The following WDR7 variants were observed in gnomAD, a reference collection of about 807,000 sequenced individuals.
WDR7 encodes WD repeat domain 7.
In WDR7, 46 loss-of-function variants were observed where a neutral mutation model predicts 169.4. That is an observed-to-expected ratio of 0.27 (90% CI 0.21 to 0.35). The LOEUF (loss-of-function observed/expected upper bound fraction) is 0.35, where lower values mean the gene tolerates loss of function less well. Ranked by LOEUF, WDR7 falls within the 10% of genes least tolerant of loss-of-function variation. The pLI, the probability that WDR7 is intolerant of heterozygous loss-of-function variation, is 1.00. For synonymous variants in WDR7, 612 were observed against 666.8 expected (o/e 0.92, Z 1.27); for missense variants, 1,534 against 1,859.3 (o/e 0.83, Z 3.22).
At chr18:56,748,821 A>T (rs969309043) in intron 14 of WDR7, among the ~76,000 whole-genome samples, 1 of 152,110 alleles carries the variant, frequency 6.6e-6, no homozygotes, top group African/African-American at 2.4e-5. Context: ...CACTTGTATT[A>T]TCCTAACTCT....
At chr18:56,868,003 A>T (rs958948421) in intron 20 of WDR7, among the ~76,000 whole-genome samples, 4 of 152,142 alleles carry the variant, frequency 2.6e-5, no homozygotes, top group African/African-American at 7.2e-5. Context: ...ATATAGAAAA[A>T]GGTCTATGAA....
rs1026060111 is a variant in WDR7 at position 57,028,407 on chromosome 18, C to G, written c.*1200C>G. The G allele has an allele frequency of 5.3e-5, 8 of 151,674 alleles. No homozygotes were observed. Among genetic ancestry groups the G allele is most frequent in the Non-Finnish European group, 1.0e-4 (7 of 68,012 alleles). 9.4% of individuals were successfully genotyped at this position (151,674 alleles called of 1,614,324 possible). On this transcript the variant is annotated 3_prime_UTR_variant, in exon 28 of 28. Transcript: ENST00000254442. ...ATGTCAGATTGTGCTGGTTCTAGCT[C>G]ATAATAATGAAAAAAATAGAATTAT...
intron 21 of WDR7, among the ~76,000 whole-genome samples, chr18:56,897,035 G>A (rs1400899354): frequency 6.6e-6 from 1 of 151,788 alleles, no homozygotes; most frequent in Non-Finnish European, 1.5e-5. Context: ...AAGGAAACAA[G>A]GATGGCCAGT....
chr18:56,854,104 C>G (rs938009374), intron 20 of WDR7, among the ~76,000 whole-genome samples: 1 of 152,144 alleles, frequency 6.6e-6, no homozygotes, highest in South Asian at 2.1e-4. Context: ...GGCACAGAAG[C>G]CTTCTTTGAC....
chr18:56,933,645 G>A (rs1315293465), intron 22 of WDR7, among the ~76,000 whole-genome samples: 1 of 152,154 alleles, frequency 6.6e-6, no homozygotes, highest in Admixed American at 6.5e-5. Flanking sequence ...TACTGATTCA[G>A]TAATCCAAGT....
chr18:56,879,815 C>T, intron 20 of WDR7, 129 bp from the exon 21 acceptor site: 1 of 689,568 alleles, frequency 1.5e-6, no homozygotes, highest in Non-Finnish European at 2.4e-6. Context: ...TGTGAGTAAC[C>T]ATTTGTCCTA....
chr18:56,678,821 A>T (rs1056928478), intron 2 of WDR7, among the ~76,000 whole-genome samples: 7 of 152,120 alleles, frequency 4.6e-5, no homozygotes, highest in African/African-American at 1.7e-4. Context: ...AGACTCGTAG[A>T]GGTACCGCCT....
chr18:56,720,116 G>A (rs536077695), intron 13 of WDR7, among the ~76,000 whole-genome samples: 5 of 152,202 alleles, frequency 3.3e-5, no homozygotes, highest in African/African-American at 1.2e-4. Context: ...AGTTCTTATA[G>A]CAATAATGGC....
intron 14 of WDR7, among the ~76,000 whole-genome samples, chr18:56,743,441 G>A (rs2043649761): frequency 6.6e-6 from 1 of 152,148 alleles, no homozygotes; most frequent in African/African-American, 2.4e-5. Flanking sequence ...AGGCATGTGA[G>A]GAGAGCCAGG....
chr18:56,654,794 G>A (rs2024731845), intron 1 of WDR7, among the ~76,000 whole-genome samples: 1 of 152,164 alleles, frequency 6.6e-6, no homozygotes, highest in Non-Finnish European at 1.5e-5. Flanking sequence ...CTAATTCATA[G>A]TTTTCTTTTA....
At chr18:56,663,796 A>G (rs907176231) in intron 1 of WDR7, among the ~76,000 whole-genome samples, 1 of 152,138 alleles carries the variant, frequency 6.6e-6, no homozygotes, top group African/African-American at 2.4e-5. Context: ...ATTTTTCATA[A>G]TAAAAATTTG....
intron 20 of WDR7, among the ~76,000 whole-genome samples, chr18:56,821,517 T>A (rs1352874169): frequency 1.3e-5 from 2 of 152,180 alleles, no homozygotes; most frequent in African/African-American, 4.8e-5. Flanking sequence ...AAGTAACACA[T>A]TAAACTTTGG....
intron 14 of WDR7, among the ~76,000 whole-genome samples, chr18:56,732,243 T>G (rs1223172045): frequency 1.3e-5 from 2 of 152,194 alleles, no homozygotes; most frequent in Non-Finnish European, 2.9e-5. Context: ...GTCTAGCCAC[T>G]GTTTGGTCTG....
intron 7 of WDR7, among the ~76,000 whole-genome samples, chr18:56,688,325 A>G (rs574220756): frequency 5.3e-5 from 8 of 152,256 alleles, no homozygotes; most frequent in African/African-American, 1.7e-4. Flanking sequence ...GTCACTTACT[A>G]TATTAGAATA....
intron 26 of WDR7, among the ~76,000 whole-genome samples, chr18:56,991,548 A>G (rs1484640191): frequency 6.6e-6 from 1 of 152,114 alleles, no homozygotes; most frequent in Admixed American, 6.5e-5. Context: ...GTTGGGGGGA[A>G]AAAAGAACTC....
At chr18:57,009,394 T>A (rs1347290611) in intron 26 of WDR7, among the ~76,000 whole-genome samples, 1 of 152,210 alleles carries the variant, frequency 6.6e-6, no homozygotes, top group Non-Finnish European at 1.5e-5. Context: ...TTTTGTTTTT[T>A]TATTTCAATA....
chr18:56,681,367 A>G lies in WDR7; in HGVS notation c.321A>G (p.Leu107=). 6.3e-7 allele frequency: 1 copy of G among 1,594,918 alleles called. No homozygotes were observed. The highest frequency in any genetic ancestry group is 8.5e-7 in the Non-Finnish European group (1 of 1,174,604). The change falls in exon 4 of 28, where the codon TTA becomes TTG. Residue 107 remains leucine, a synonymous_variant. Transcript: ENST00000254442. ...GCAGATGTATTGAATTTACAAAATT[A>G]GCTTGCACACATACTGGCATACAGG... is the stretch of plus-strand genomic sequence containing the variant. The part of the protein sequence containing the change: ...SDGRCIEFTK[L]ACTHTGIQFY...
chr18:56,766,072 T>C (rs2044061946), intron 16 of WDR7, among the ~76,000 whole-genome samples: 2 of 152,130 alleles, frequency 1.3e-5, no homozygotes, highest in Admixed American at 1.3e-4. Context: ...TTATATCTTT[T>C]AATGCTTTGA....
intron 16 of WDR7, among the ~76,000 whole-genome samples, chr18:56,768,268 C>G (rs1599028762): frequency 6.6e-6 from 1 of 152,052 alleles, no homozygotes; most frequent in Non-Finnish European, 1.5e-5. Flanking sequence ...TAAAAAAAAG[C>G]ATTTATTTAA....
Sources: allele counts gnomAD v4.1 joint callset (sites outside exome capture counted in the v4.1 genomes callset), GRCh38; gene constraint gnomAD v4.1.1; transcripts MANE v1.5; gene names NCBI Gene and HGNC (gene_info 2026-07-23, HGNC 2026-07-21).